The following TRANK1 variants were observed in gnomAD, a reference collection of about 807,000 sequenced individuals.
TRANK1 encodes the protein tetratricopeptide repeat and ankyrin repeat containing 1, also known as TPR and ankyrin repeat-containing protein 1.
Under a neutral mutation model 266.0 loss-of-function variants are expected in TRANK1, and 198 were observed. That is an observed-to-expected ratio of 0.74 (90% CI 0.66 to 0.84). TRANK1 has a LOEUF of 0.84. Among genes scored for constraint, TRANK1 ranks in the 40% least tolerant of loss-of-function variants. The pLI, the probability that TRANK1 is intolerant of heterozygous loss-of-function variation, is 0.00. For synonymous variants in TRANK1, 1,396 were observed against 1,384.1 expected (o/e 1.01, Z -0.19); for missense variants, 3,326 against 3,634.6 (o/e 0.92, Z 2.18).
chr3:36,890,013 A>G (rs765521932), intron 7 of TRANK1, 53 bp from the exon 8 acceptor site: 69 of 1,526,204 alleles, frequency 4.5e-5, no homozygotes, highest in Non-Finnish European at 6.0e-5. Context: ...GAAAGTCAGC[A>G]AAGTTAATTT....
At position 36,944,957 on chromosome 3, in the gene TRANK1, C is replaced by T; in HGVS notation, c.-148G>A. The T allele has an allele frequency of 1.3e-6, 1 of 746,996 alleles. No homozygotes were observed. The highest frequency in any genetic ancestry group is 1.9e-6 in the Non-Finnish European group (1 of 518,132). 46.3% of individuals were successfully genotyped at this position (746,996 alleles called of 1,614,324 possible). A position where few individuals can be genotyped will look rare whatever the true frequency, so the allele number is the denominator to read the frequency against. On this transcript the variant is annotated 5_prime_UTR_variant, in exon 1 of 24. Transcript: ENST00000645898. ...GATGCAGAGGCGGCGTTCGGGGGCC[C>T]CCAGCTGCCTGCGGCTCGGCTACCC...
intron 1 of TRANK1, among the ~76,000 whole-genome samples, chr3:36,939,559 C>T (rs577439972): frequency 7.2e-5 from 11 of 152,314 alleles, no homozygotes; most frequent in African/African-American, 2.4e-4. Context: ...AATTTCTAGG[C>T]CTCAGTTTCC....
chr3:36,838,083 T>G (rs1215769986), intron 20 of TRANK1, among the ~76,000 whole-genome samples: 1 of 152,124 alleles, frequency 6.6e-6, no homozygotes, highest in African/African-American at 2.4e-5. Flanking sequence ...CCTTCTGCCC[T>G]TTGGCTTGAG....
At chr3:36,838,265 G>T (rs1575183001) in intron 20 of TRANK1, 107 bp downstream of exon 20, 1 of 1,499,142 alleles carries the variant, frequency 6.7e-7, no homozygotes, top group South Asian at 1.3e-5. Flanking sequence ...CTCCCTCCTT[G>T]GAAGACTGCA....
At chr3:36,870,383 G>A (rs377208325) in intron 9 of TRANK1, among the ~76,000 whole-genome samples, 4 of 150,904 alleles carry the variant, frequency 2.7e-5, no homozygotes, top group South Asian at 2.1e-4. Flanking sequence ...CTCCAGCCTC[G>A]GCAACAAGGG....
intron 1 of TRANK1, among the ~76,000 whole-genome samples, chr3:36,918,507 GAAAGAAAGAAAGAAA>G (rs1559473184): frequency 4.3e-4 from 17 of 39,676 alleles, no homozygotes; most frequent in Admixed American, 6.1e-4. Context: ...AAGAAAGAAA[GAAAGAAAGAAAGAAA>G]GAAAGAAAGA....
chr3:36,864,436 TG>T lies in TRANK1; in HGVS notation c.1122del (p.Phe374LeufsTer9). ...TTCACCAGCTGCTCCAAGACCTTCCTGAAAATGTCGTTTTCACTAGTGGGTC... is the reference window on the plus strand; with the variant it reads ...TTCACCAGCTGCTCCAAGACCTTCCTAAAATGTCGTTTTCACTAGTGGGTC... ...GDGPTSENDI[F>X]RKVLEQLVKY... On this transcript the variant is annotated frameshift_variant, in exon 10 of 24. Coordinates refer to ENST00000645898, the MANE Select transcript of TRANK1 (RefSeq NM_001329998.2). LOFTEE classifies it high-confidence loss of function. 1 of 1,536,556 alleles carries T rather than the reference TG, an allele frequency of 6.5e-7. No homozygotes were observed. Among genetic ancestry groups the T allele is most frequent in the Non-Finnish European group, 8.7e-7 (1 of 1,146,678 alleles).
intron 9 of TRANK1, among the ~76,000 whole-genome samples, 181 bp downstream of exon 9, chr3:36,873,945 C>A: frequency 1.4e-5 from 2 of 144,204 alleles, no homozygotes; most frequent in African/African-American, 5.1e-5. Flanking sequence ...AGAGCTATCT[C>A]ATTCTACCTT....
intron 1 of TRANK1, among the ~76,000 whole-genome samples, chr3:36,933,980 G>A (rs2080391954): frequency 1.3e-5 from 2 of 152,172 alleles, no homozygotes; most frequent in Admixed American, 1.3e-4. Context: ...GTTCCTTTAG[G>A]AAACAGGGCA....
intron 15 of TRANK1, chr3:36,850,152 A>C: frequency 1.0e-6 from 1 of 985,444 alleles, no homozygotes; most frequent in Non-Finnish European, 1.2e-6. Context: ...ACAAAGTCTT[A>C]CCCTTCCTCT....
At position 36,828,244 on chromosome 3, in the gene TRANK1, G is replaced by T; in HGVS notation, c.*31C>A. 6.6e-7 allele frequency: 1 copy of T among 1,508,764 alleles called. No homozygotes were observed. Among genetic ancestry groups the T allele is most frequent in the Non-Finnish European group, 9.2e-7 (1 of 1,091,864 alleles). The allele number at this position is 1,508,764 out of a possible 1,614,324, so 93.5% of individuals were successfully genotyped here. A position where few individuals can be genotyped will look rare whatever the true frequency, so the allele number is the denominator to read the frequency against. ...ATTCTAAGTCAGAATGGAATGTTCC[G>T]AAGGATGAGGAGGCTGCAGCTGTGT... On this transcript the variant is annotated 3_prime_UTR_variant, in exon 24 of 24. Transcript: ENST00000645898.
chr3:36,892,934 A>C lies in TRANK1; in HGVS notation c.603T>G (p.His201Gln), dbSNP rs1559457993. 2 of 1,513,992 alleles carry C rather than the reference A, an allele frequency of 1.3e-6. No homozygotes were observed. Among genetic ancestry groups the C allele is most frequent in the Non-Finnish European group, 1.8e-6 (2 of 1,138,636 alleles). 93.8% of individuals were successfully genotyped at this position (1,513,992 alleles called of 1,614,324 possible). The change falls in exon 6 of 24, where the codon CAT (histidine) becomes CAG (glutamine). Residue 201 changes from histidine (H) to glutamine (Q), a missense_variant. Physicochemically the swap from His to Gln is conservative, Grantham distance 24. Transcript: ENST00000645898. ...AKKDRLPRNI[H>Q]VPELSLKSLF... ...GACTTTTCAGTGATAACTCTGGGACATGAATATTTCTTGGTAATCGGTCTT... is the reference window on the plus strand; with the variant it reads ...GACTTTTCAGTGATAACTCTGGGACCTGAATATTTCTTGGTAATCGGTCTT...
chr3:36,828,320 C>A lies in TRANK1; in HGVS notation c.8865G>T (p.Arg2955=), dbSNP rs995910035. 1 of 1,612,230 alleles carries A rather than the reference C, an allele frequency of 6.2e-7. No individual in the cohort carries two copies. The highest frequency in any genetic ancestry group is 1.3e-5 in the African/African-American group (1 of 74,796). ...CACATTTCCGAGAACGCCTTCTAGG[C>A]CGAAGCTCACCAAAGTCTTCAACTT... ...ENEVEDFGEL[R]PRRRSRKCGK... Residue 2955 remains arginine, a synonymous_variant, in exon 24 of 24, where the codon CGG becomes CGT. Transcript: ENST00000645898.
At chr3:36,860,754 A>G (rs2079130683) in intron 11 of TRANK1, among the ~76,000 whole-genome samples, 152 bp downstream of exon 11, 2 of 152,262 alleles carry the variant, frequency 1.3e-5, no homozygotes, top group African/African-American at 2.4e-5. Flanking sequence ...AGTAACCTCC[A>G]TCACTGTTTC....
intron 1 of TRANK1, among the ~76,000 whole-genome samples, chr3:36,924,773 A>G (rs2080264756): frequency 6.6e-6 from 1 of 152,194 alleles, no homozygotes. Context: ...CCTCAACTGA[A>G]TAAATGAAAA....
chr3:36,880,089 T>TACAA lies in TRANK1; in HGVS notation c.908-5794_908-5793insTTGT, dbSNP rs1417293841. 4.7e-4 allele frequency: 50 copies of TACAA among 107,378 alleles called. 5 individuals carry two copies. Among genetic ancestry groups the TACAA allele is most frequent in the East Asian group, 1.9e-3 (6 of 3,202 alleles). The allele number at this position is 107,378 out of a possible 1,614,324, so 6.7% of individuals were successfully genotyped here. ...GTAAACATGCAAATATATATAAACA[T>TACAA]ATATAAATATATATAAACATATATA... On this transcript the variant is annotated intron_variant, in intron 8 of 23. Transcript: ENST00000645898.
chr3:36,903,163 G>T lies in TRANK1; in HGVS notation c.268C>A (p.Pro90Thr). 3.3e-6 allele frequency: 5 copies of T among 1,537,238 alleles called. No homozygotes were observed. Among genetic ancestry groups the T allele is most frequent in the Non-Finnish European group, 4.4e-6 (5 of 1,146,890 alleles). Reference protein sequence around the residue: ...VAAKECLQWDPTYVKGYYRAG... With the variant: ...VAAKECLQWDTTYVKGYYRAG... ...CCACCCCATACCTTCACGTAGGTTG[G>T]ATCCCATTGGAGACATTCCTTGGCA... Residue 90 changes from proline to threonine, a missense_variant, in exon 3 of 24, where the codon CCA (proline) becomes ACA (threonine). Coordinates refer to ENST00000645898, the MANE Select transcript of TRANK1 (RefSeq NM_001329998.2).
chr3:36,938,481 T>C (rs1051880860), intron 1 of TRANK1, among the ~76,000 whole-genome samples: 6 of 151,556 alleles, frequency 4.0e-5, no homozygotes, highest in Non-Finnish European at 7.4e-5. Context: ...CCTCCCAAAG[T>C]GCTGGGATTA....
At chr3:36,942,907 G>T (rs2080516594) in intron 1 of TRANK1, among the ~76,000 whole-genome samples, 1 of 151,630 alleles carries the variant, frequency 6.6e-6, no homozygotes, top group African/African-American at 2.4e-5. Context: ...ATGGGCCGGC[G>T]TGGTGGCTCT....
Sources: gnomAD v4.1 joint callset for allele counts (sites outside exome capture counted in the v4.1 genomes callset) on GRCh38, gnomAD v4.1.1 for gene constraint, MANE v1.5 for transcripts, NCBI Gene and HGNC (gene_info 2026-07-23, HGNC 2026-07-21) for gene names.